SLC1A4: variants seen among roughly 807,000 people sequenced by gnomAD.
SLC1A4 encodes solute carrier family 1 member 4, also known as neutral amino acid transporter A.
A neutral mutation model predicts 37.7 loss-of-function variants in SLC1A4; 19 were observed. The observed-to-expected ratio is 0.50, with a 90% CI of 0.35 to 0.74. The LOEUF is 0.74. SLC1A4 is among the 30% of genes least tolerant of loss of function. SLC1A4 has a pLI of 0.01. For synonymous variants in SLC1A4, 299 were observed against 309.8 expected (o/e 0.97, Z 0.37); for missense variants, 570 against 712.9 (o/e 0.80, Z 2.28).
At chr2:64,988,781 G>A (rs1188597300), upstream of SLC1A4, among the ~76,000 whole-genome samples, 5 of 152,214 alleles carry the variant, frequency 3.3e-5, no homozygotes, top group African/African-American at 9.6e-5. Flanking sequence ...ATCTTCCGCA[G>A]GAGGGGACGC....
chr2:65,012,256 A>AT (rs200745396), intron 4 of SLC1A4, among the ~76,000 whole-genome samples: 6,147 of 150,540 alleles, frequency 0.041, 266 homozygotes, highest in East Asian at 0.26. Flanking sequence ...CGCCCAGCTA[A>AT]TTTTTTGTAT....
chr2:65,019,101 C>A (rs570054565), intron 7 of SLC1A4, among the ~76,000 whole-genome samples: 1 of 152,212 alleles, frequency 6.6e-6, no homozygotes, highest in East Asian at 1.9e-4. Flanking sequence ...GGAGGATGAA[C>A]CATGCTGATG....
At chr2:65,004,338 C>G (rs1470874359) in intron 3 of SLC1A4, among the ~76,000 whole-genome samples, 1 of 152,160 alleles carries the variant, frequency 6.6e-6, no homozygotes, top group Non-Finnish European at 1.5e-5. Flanking sequence ...CTGAACTGAA[C>G]TCTTGGCCTC....
chr2:64,996,279 T>C (rs1301685538), intron 1 of SLC1A4, among the ~76,000 whole-genome samples: 2 of 152,248 alleles, frequency 1.3e-5, no homozygotes, highest in Admixed American at 6.5e-5. Context: ...TTTTGTCTAA[T>C]GTATTTCATC....
At chr2:64,990,815 C>T (rs567435517) in intron 1 of SLC1A4, among the ~76,000 whole-genome samples, 2 of 152,308 alleles carry the variant, frequency 1.3e-5, no homozygotes, top group Non-Finnish European at 2.9e-5. Flanking sequence ...TGCTGTGTTT[C>T]AAAGGCCTTT....
chr2:65,021,176 C>A lies in SLC1A4; in HGVS notation c.*30C>A. On this transcript the variant is annotated 3_prime_UTR_variant, in exon 8 of 8. Transcript: ENST00000234256. ...GCTGGGCTTTGGGCTTGCCTGCCAG[C>A]AGTGATGTCCCACCCTGTTCACCCA... 6.4e-7 allele frequency: 1 copy of A among 1,559,350 alleles called. No homozygotes were observed. Among genetic ancestry groups the A allele is most frequent in the Non-Finnish European group, 8.8e-7 (1 of 1,132,402 alleles).
intron 5 of SLC1A4, 123 bp downstream of exon 5, chr2:65,016,796 T>C: frequency 1.5e-6 from 1 of 685,176 alleles, no homozygotes. Flanking sequence ...TCTAAATCGG[T>C]CTTCTGTTAT....
At position 65,001,464 on chromosome 2, in the gene SLC1A4, A is replaced by G; in HGVS notation, c.544A>G (p.Asn182Asp). 6.2e-7 allele frequency: 1 copy of G among 1,614,028 alleles called. No homozygotes were observed. Among genetic ancestry groups the G allele is most frequent in the South Asian group, 1.1e-5 (1 of 91,076 alleles). ...TTCCAACAGAAACCTGTTTCCCTCC[A>G]ATCTTGTGGTTGCAGCTTTCCGTAC... ...LDLARNLFPSNLVVAAFRTYA... is the reference protein window; with the variant it reads ...LDLARNLFPSDLVVAAFRTYA... Residue 182 changes from asparagine to aspartate, a missense_variant, in exon 2 of 8, where the codon AAT (asparagine) becomes GAT (aspartate). Physicochemically the swap from Asn to Asp is conservative, Grantham distance 23 (BLOSUM62 1). Coordinates refer to ENST00000234256, the MANE Select transcript of SLC1A4 (RefSeq NM_003038.5).
intron 1 of SLC1A4, among the ~76,000 whole-genome samples, chr2:64,996,899 C>G (rs1162885142): frequency 6.6e-6 from 1 of 152,160 alleles, no homozygotes; most frequent in Non-Finnish European, 1.5e-5. Flanking sequence ...TGCCTGAAGA[C>G]AGAGCTCTGG....
At chr2:64,992,433 C>G (rs1252471979) in intron 1 of SLC1A4, among the ~76,000 whole-genome samples, 2 of 152,206 alleles carry the variant, frequency 1.3e-5, no homozygotes, top group Non-Finnish European at 2.9e-5. Flanking sequence ...TGGGCTGCAC[C>G]TGCATGGAGG....
Position 65,022,892 on chromosome 2 carries a change from CAG to C in SLC1A4, c.*1747_*1748del, listed in dbSNP as rs1333091049. 2.5e-4 allele frequency: 38 copies of C among 152,216 alleles called. No homozygotes were observed. Among genetic ancestry groups the C allele is most frequent in the Non-Finnish European group, 4.8e-4 (33 of 68,118 alleles). 9.4% of individuals were successfully genotyped at this position (152,216 alleles called of 1,614,324 possible). A position where few individuals can be genotyped will look rare whatever the true frequency, so the allele number is the denominator to read the frequency against. On this transcript the variant is annotated 3_prime_UTR_variant, in exon 8 of 8. Coordinates refer to ENST00000234256, the MANE Select transcript of SLC1A4 (RefSeq NM_003038.5). Reference sequence around the variant, plus strand: ...CTATGTGTCACCTGGGCCCTACAGACAGGGGCACACGCTTATGGATGTGTGTA... The same window carrying C: ...CTATGTGTCACCTGGGCCCTACAGACGGGCACACGCTTATGGATGTGTGTA...
At chr2:64,994,555 G>A (rs541278549) in intron 1 of SLC1A4, among the ~76,000 whole-genome samples, 113 of 152,232 alleles carry the variant, frequency 7.4e-4, no homozygotes, top group African/African-American at 2.6e-3. Context: ...TTCACTGCTC[G>A]TGCTAATTTT....
At chr2:65,010,462 G>C in intron 3 of SLC1A4, 135 bp from the exon 4 acceptor site, 1 of 724,064 alleles carries the variant, frequency 1.4e-6, no homozygotes. Context: ...TTGCAGAATT[G>C]CTAATTGTTA....
intron 7 of SLC1A4, 84 bp from the exon 8 acceptor site, chr2:65,020,828 C>T: frequency 1.8e-6 from 2 of 1,118,560 alleles, no homozygotes; most frequent in Non-Finnish European, 1.4e-6. Context: ...ACAATCATGA[C>T]TTTCCTTCGG....
chr2:65,008,752 C>T (rs776081268), intron 3 of SLC1A4, among the ~76,000 whole-genome samples: 2 of 152,194 alleles, frequency 1.3e-5, no homozygotes, highest in Non-Finnish European at 2.9e-5. Flanking sequence ...CCAAGATATT[C>T]CATTAATATA....
In SLC1A4 at chr2:64,989,881, G is replaced by C; in HGVS notation, c.238G>C (p.Glu80Gln). ...GGTCACCTACCTGGCCTTCCCCGGC[G>C]AGATGCTGCTCCGCATGCTGCGCAT... ...TQVTYLAFPGEMLLRMLRMII... is the reference protein window; with the variant it reads ...TQVTYLAFPGQMLLRMLRMII... Residue 80 changes from glutamate (E) to glutamine (Q), a missense_variant, in exon 1 of 8, where the codon GAG becomes CAG. Coordinates refer to ENST00000234256, the MANE Select transcript of SLC1A4 (RefSeq NM_003038.5). The C allele has an allele frequency of 6.5e-7, 1 of 1,546,206 alleles. No homozygotes were observed. Among genetic ancestry groups the C allele is most frequent in the South Asian group, 1.2e-5 (1 of 84,486 alleles).
chr2:64,989,703 C>T lies in SLC1A4; in HGVS notation c.60C>T (p.Ala20=), dbSNP rs753564384. 2.6e-6 allele frequency: 4 copies of T among 1,528,240 alleles called. No individual in the cohort carries two copies. The African/African-American group carries it at 5.8e-5, about 22-fold the overall frequency. The allele number at this position is 1,528,240 out of a possible 1,614,324, so 94.7% of individuals were successfully genotyped here. Residue 20 remains alanine, a synonymous_variant, in exon 1 of 8, where the codon GCC becomes GCT. Coordinates refer to ENST00000234256, the MANE Select transcript of SLC1A4 (RefSeq NM_003038.5). ...YLDSAQAGPA[A]GPGAPGTAAG... The stretch of plus-strand genomic sequence containing the variant: ...ACAGCGCTCAGGCGGGGCCTGCGGC[C>T]GGGCCCGGAGCTCCGGGGACCGCGG...
At chr2:64,998,176 T>G (rs1475682397) in intron 1 of SLC1A4, among the ~76,000 whole-genome samples, 1 of 151,800 alleles carries the variant, frequency 6.6e-6, no homozygotes, top group Non-Finnish European at 1.5e-5. Context: ...GGCGGAGCTT[T>G]CAGTGAGCCG....
chr2:65,007,456 C>T (rs1031633233), intron 3 of SLC1A4, among the ~76,000 whole-genome samples: 1 of 152,130 alleles, frequency 6.6e-6, no homozygotes, highest in Non-Finnish European at 1.5e-5. Context: ...CTTGTAGTCC[C>T]CTAGCCCCAT....
Sources: allele counts gnomAD v4.1 joint callset (sites outside exome capture counted in the v4.1 genomes callset), GRCh38; gene constraint gnomAD v4.1.1; transcripts MANE v1.5; gene names NCBI Gene and HGNC (gene_info 2026-07-23, HGNC 2026-07-21).